The following RTN1 variants were observed in gnomAD, a reference collection of about 807,000 sequenced individuals.
The protein encoded by RTN1 is reticulon 1, also known as reticulon-1.
RTN1 carries 25 observed loss-of-function variants against 65.5 expected under a neutral mutation model. The observed-to-expected ratio is 0.38, with a 90% CI of 0.28 to 0.53. The LOEUF (loss-of-function observed/expected upper bound fraction) is 0.53. RTN1 is among the 20% of genes least tolerant of loss of function. The pLI, the probability that RTN1 is intolerant of heterozygous loss-of-function variation, is 0.79. For synonymous variants in RTN1, 471 were observed against 447.6 expected, an observed-to-expected ratio of 1.05 and a Z score of -0.66; for missense variants, 983 against 1,025.4, an observed-to-expected ratio of 0.96 and a Z score of 0.57.
chr14:59,795,692 T>C (rs899534837), intron 1 of RTN1, among the ~76,000 whole-genome samples: 28 of 152,350 alleles, frequency 1.8e-4, no homozygotes, highest in Admixed American at 1.2e-3. Context: ...AAGAAGTTCA[T>C]TAAAAGATAA....
intron 1 of RTN1, among the ~76,000 whole-genome samples, chr14:59,760,079 GA>G (rs1286405365): frequency 6.6e-6 from 1 of 151,788 alleles, no homozygotes; most frequent in Non-Finnish European, 1.5e-5. Context: ...AGCATAAGTT[GA>G]AAAAAAATTG....
intron 1 of RTN1, among the ~76,000 whole-genome samples, chr14:59,750,982 T>C (rs1885508350): frequency 8.6e-6 from 1 of 116,932 alleles, no homozygotes; most frequent in African/African-American, 4.5e-5. Flanking sequence ...CCTCCCAAAG[T>C]GCTGGGATTA....
intron 1 of RTN1, among the ~76,000 whole-genome samples, chr14:59,750,231 T>TATATAATATATATTATATCTATAATATA: frequency 2.5e-5 from 1 of 39,532 alleles, no homozygotes; most frequent in South Asian, 9.3e-4. Flanking sequence ...ATATCTATAA[T>TATATAATATATATTATATCTATAATATA]ATATATATTA....
intron 1 of RTN1, among the ~76,000 whole-genome samples, chr14:59,855,365 G>C (rs746313635): frequency 6.6e-6 from 1 of 151,992 alleles, no homozygotes; most frequent in African/African-American, 2.4e-5. Context: ...AAATTATCTC[G>C]ATTACTGTGT....
chr14:59,747,598 C>T (rs1340381138), intron 1 of RTN1, among the ~76,000 whole-genome samples: 1 of 152,022 alleles, frequency 6.6e-6, no homozygotes, highest in Non-Finnish European at 1.5e-5. Context: ...AAGAGCAAAA[C>T]TCCATCTCAA....
At chr14:59,670,065 T>C (rs1475575897) in intron 3 of RTN1, among the ~76,000 whole-genome samples, 1 of 152,210 alleles carries the variant, frequency 6.6e-6, no homozygotes, top group Non-Finnish European at 1.5e-5. Flanking sequence ...TGGGTTGCTA[T>C]TGCAAAAATT....
In RTN1 at chr14:59,766,496, T is replaced by G. The variant is rs181556092; in HGVS notation, c.242-20015A>C. ...AGTTGGTAAGGTAGCTGCTCTTATA[T>G]CTGGGGAAGAAACTAGGGGTTCAAA... On this transcript the variant is annotated intron_variant, in intron 1 of 8. Coordinates refer to ENST00000267484, the MANE Select transcript of RTN1 (RefSeq NM_021136.3). This position sits in a 1 kb window ranked among gnomAD's most constrained non-coding sequence, Gnocchi z 4.4. Among the ~76,000 whole-genome samples, 803 of 152,296 alleles carry G rather than the reference T, an allele frequency of 5.3e-3. 3 individuals are homozygous for G. The highest frequency in any genetic ancestry group is 8.7e-3 in the Non-Finnish European group (593 of 68,020).
chr14:59,801,904 T>C (rs1886553847), intron 1 of RTN1, among the ~76,000 whole-genome samples: 1 of 152,198 alleles, frequency 6.6e-6, no homozygotes. Context: ...GAAAAAAGTA[T>C]CCCAGTCAAA....
intron 1 of RTN1, among the ~76,000 whole-genome samples, chr14:59,854,639 CAAAAAAAAAAA>C: frequency 1.4e-5 from 1 of 71,780 alleles, no homozygotes; most frequent in Admixed American, 1.8e-4. Flanking sequence ...GACTGCGTCT[CAAAAAAAAAAA>C]AAAAAAAAAA....
At chr14:59,739,456 G>A (rs1047397005) in intron 2 of RTN1, among the ~76,000 whole-genome samples, 6 of 151,620 alleles carry the variant, frequency 4.0e-5, no homozygotes, top group African/African-American at 7.3e-5. Context: ...CATGGGAATC[G>A]CTTGAACCCG....
At chr14:59,654,592 A>G (rs1175633684) in intron 3 of RTN1, among the ~76,000 whole-genome samples, 1 of 152,086 alleles carries the variant, frequency 6.6e-6, no homozygotes, top group East Asian at 1.9e-4. Context: ...CAAAACTAAC[A>G]AACTGAAGCC....
At chr14:59,696,703 G>A (rs1884070787) in intron 3 of RTN1, among the ~76,000 whole-genome samples, 2 of 152,268 alleles carry the variant, frequency 1.3e-5, no homozygotes, top group African/African-American at 4.8e-5. Context: ...GAAGCTGGAA[G>A]CTGCTGTAAC....
chr14:59,616,585 T>A (rs1288111867), intron 3 of RTN1, among the ~76,000 whole-genome samples: 2 of 152,212 alleles, frequency 1.3e-5, no homozygotes, highest in Non-Finnish European at 2.9e-5. Flanking sequence ...ATAATGTTGA[T>A]ACAATTTAGT....
chr14:59,777,179 C>T (rs1185602101), intron 1 of RTN1, among the ~76,000 whole-genome samples: 2 of 152,058 alleles, frequency 1.3e-5, no homozygotes, highest in Non-Finnish European at 2.9e-5. Flanking sequence ...GGTCCGATAC[C>T]GTGTTATTGG....
At chr14:59,769,557 G>A (rs1161535710) in intron 1 of RTN1, among the ~76,000 whole-genome samples, 2 of 152,226 alleles carry the variant, frequency 1.3e-5, no homozygotes, top group Non-Finnish European at 2.9e-5. Flanking sequence ...CAGACCCACA[G>A]CAGAAGAATC....
chr14:59,707,700 C>G (rs1884326244), intron 3 of RTN1, among the ~76,000 whole-genome samples: 1 of 136,992 alleles, frequency 7.3e-6, no homozygotes, highest in Non-Finnish European at 1.6e-5. Context: ...CCCTCTGTCT[C>G]TCTCTTTTAC....
At chr14:59,764,407 G>A (rs545419090) in intron 1 of RTN1, among the ~76,000 whole-genome samples, 2 of 151,308 alleles carry the variant, frequency 1.3e-5, no homozygotes, top group African/African-American at 2.4e-5. Flanking sequence ...TGCAACCTCC[G>A]CCTCCTAGGT....
At chr14:59,669,230 A>G (rs1566679349) in intron 3 of RTN1, among the ~76,000 whole-genome samples, 1 of 152,230 alleles carries the variant, frequency 6.6e-6, no homozygotes, top group Non-Finnish European at 1.5e-5. Context: ...GATAGACTGG[A>G]TTAAGAAAAT....
intron 3 of RTN1, among the ~76,000 whole-genome samples, chr14:59,687,047 C>A (rs908402876): frequency 6.6e-6 from 1 of 152,170 alleles, no homozygotes; most frequent in Non-Finnish European, 1.5e-5. Flanking sequence ...TGTGCTTTCT[C>A]CTGTTGCAGG....
Sources: gnomAD v4.1 joint callset for allele counts (sites outside exome capture counted in the v4.1 genomes callset) on GRCh38, gnomAD v4.1.1 for gene constraint, Gnocchi (gnomAD v3.1) non-coding constraint, MANE v1.5 for transcripts, NCBI Gene and HGNC (gene_info 2026-07-23, HGNC 2026-07-21) for gene names.